CCDC122: variants seen among roughly 807,000 people sequenced by gnomAD.
CCDC122 encodes coiled-coil domain-containing protein 122.
A neutral mutation model predicts 37.0 loss-of-function variants in CCDC122; 38 were observed. The observed-to-expected ratio is 1.03, with a 90% CI of 0.79 to 1.35. The LOEUF (loss-of-function observed/expected upper bound fraction) is 1.35. Ranked by LOEUF, CCDC122 falls within the 40% of genes most tolerant of loss-of-function variation. The pLI is 0.00. For synonymous variants in CCDC122, 83 were observed against 95.6 expected (o/e 0.87, Z 0.77); for missense variants, 305 against 310.0 (o/e 0.98, Z 0.12).
chr13:43,858,772 AAG>A lies in CCDC122; in HGVS notation c.672+7_672+8del. On this transcript the variant is annotated splice_region_variant and intron_variant, in intron 6 of 6. Coordinates refer to ENST00000444614, the MANE Select transcript of CCDC122 (RefSeq NM_144974.5). ...ATAAAACATTGAAATCTAGATAATT[AAG>A]ACTTACCTCTATTTCTTTTCTTAAT... 7.2e-7 allele frequency: 1 copy of A among 1,392,918 alleles called. No homozygotes were observed. The highest frequency in any genetic ancestry group is 1.5e-5 in the African/African-American group (1 of 68,040). The allele number at this position is 1,392,918 out of a possible 1,614,324, so 86.3% of individuals were successfully genotyped here. A position where few individuals can be genotyped will look rare whatever the true frequency, so the allele number is the denominator to read the frequency against.
Position 43,865,018 on chromosome 13 carries a change from G to C in CCDC122, c.156+3676C>G, listed in dbSNP as rs541472207. 3.9e-5 allele frequency among the ~76,000 whole-genome samples: 6 copies of C among 152,226 alleles called. No homozygotes were observed. In the East Asian group the frequency reaches 1.2e-3, roughly 29 times the overall value. On this transcript the variant is annotated intron_variant, in intron 4 of 6. Transcript: ENST00000444614. ...GCTTCTGGGTTGGTATAAACATATT[G>C]AGGTGCTGGAAGAGTGGAGCGCCCA...
intron 6 of CCDC122, chr13:43,858,209 C>T (rs1953987708): frequency 6.6e-6 from 1 of 152,084 alleles, no homozygotes; most frequent in African/African-American, 2.4e-5. Flanking sequence ...ATTATTTGCC[C>T]TTAATAGCAT....
intron 3 of CCDC122, among the ~76,000 whole-genome samples, chr13:43,830,399 G>C (rs1953078664): frequency 6.6e-6 from 1 of 152,158 alleles, no homozygotes; most frequent in African/African-American, 2.4e-5. Flanking sequence ...AGCAGATTCT[G>C]AGATGAAGAT....
intron 6 of CCDC122, among the ~76,000 whole-genome samples, chr13:43,840,078 C>T (rs1477571609): frequency 6.6e-6 from 1 of 152,142 alleles, no homozygotes; most frequent in Non-Finnish European, 1.5e-5. Context: ...TGGGATTGTC[C>T]AACACTCAGC....
intron 4 of CCDC122, among the ~76,000 whole-genome samples, chr13:43,865,529 TAAC>T (rs1477944253): frequency 1.3e-5 from 2 of 152,118 alleles, no homozygotes; most frequent in Non-Finnish European, 2.9e-5. Flanking sequence ...AATAAGAGAA[TAAC>T]AATAACAACA....
At chr13:43,878,182 T>C (rs1364522847) in intron 1 of CCDC122, 1 of 152,194 alleles carries the variant, frequency 6.6e-6, no homozygotes, top group East Asian at 1.9e-4. Flanking sequence ...TTTAAAACCT[T>C]TGTAACTAAA....
intron 2 of CCDC122, among the ~76,000 whole-genome samples, chr13:43,870,758 A>G (rs1954421400): frequency 6.6e-6 from 1 of 152,144 alleles, no homozygotes; most frequent in Non-Finnish European, 1.5e-5. Flanking sequence ...AATTTACCCA[A>G]AGAGAGCCAT....
At chr13:43,859,025 G>C in intron 5 of CCDC122, 128 bp from the exon 6 acceptor site, 1 of 682,620 alleles carries the variant, frequency 1.5e-6, no homozygotes, top group Non-Finnish European at 2.2e-6. Context: ...AATAGCATTA[G>C]AATATTACTT....
At chr13:43,871,853 G>T (rs1156388732) in intron 2 of CCDC122, among the ~76,000 whole-genome samples, 1 of 151,826 alleles carries the variant, frequency 6.6e-6, no homozygotes, top group Admixed American at 6.6e-5. Flanking sequence ...TGAAATTCAG[G>T]CCATAGACTA....
downstream of CCDC122, among the ~76,000 whole-genome samples, chr13:43,821,368 C>T (rs532726572): frequency 6.6e-6 from 1 of 152,174 alleles, no homozygotes; most frequent in Non-Finnish European, 1.5e-5. Context: ...GGATTACAGG[C>T]GTCTGCCACA....
chr13:43,856,898 T>C (rs1339161924), intron 6 of CCDC122, among the ~76,000 whole-genome samples: 2 of 152,018 alleles, frequency 1.3e-5, no homozygotes, highest in Non-Finnish European at 2.9e-5. Flanking sequence ...AAGCCATCCA[T>C]TTATAATTTG....
chr13:43,844,608 ATCTG>A (rs1953457454), intron 6 of CCDC122, among the ~76,000 whole-genome samples: 1 of 151,998 alleles, frequency 6.6e-6, no homozygotes, highest in Admixed American at 6.6e-5. Flanking sequence ...ATGACTATAG[ATCTG>A]TCTCTTTTTT....
In CCDC122 at chr13:43,868,682, T is replaced by A. The variant is rs758187366; in HGVS notation, c.156+12A>T. 1.1e-5 allele frequency: 16 copies of A among 1,407,148 alleles called. No individual in the cohort carries two copies. The highest frequency in any genetic ancestry group is 2.6e-5 in the South Asian group (2 of 76,388). 87.2% of individuals were successfully genotyped at this position (1,407,148 alleles called of 1,614,324 possible). A position where few individuals can be genotyped will look rare whatever the true frequency, so the allele number is the denominator to read the frequency against. ...AAGTAAAGACATTTAAAAGACTATA[T>A]AAAGAAGTTACCTTCAAATTGAACA... On this transcript the variant is annotated intron_variant, in intron 4 of 6. Coordinates refer to ENST00000444614, the MANE Select transcript of CCDC122 (RefSeq NM_144974.5).
At chr13:43,872,004 A>T (rs973810606) in intron 2 of CCDC122, among the ~76,000 whole-genome samples, 2 of 152,098 alleles carry the variant, frequency 1.3e-5, no homozygotes, top group Non-Finnish European at 2.9e-5. Context: ...CCACAAAAAT[A>T]GTATATCTAA....
At chr13:43,869,147 A>C (rs1459230936) in intron 3 of CCDC122, among the ~76,000 whole-genome samples, 184 bp downstream of exon 3, 1 of 151,926 alleles carries the variant, frequency 6.6e-6, no homozygotes, top group Non-Finnish European at 1.5e-5. Context: ...ATGCATTTTC[A>C]TTGTAGGTCT....
chr13:43,870,859 A>AT (rs1019009706), intron 2 of CCDC122, among the ~76,000 whole-genome samples: 3 of 152,050 alleles, frequency 2.0e-5, no homozygotes, highest in Non-Finnish European at 2.9e-5. Context: ...CAAGATTATG[A>AT]TTTTTTATGG....
intron 2 of CCDC122, among the ~76,000 whole-genome samples, chr13:43,870,403 C>A (rs1363698456): frequency 6.6e-6 from 1 of 152,118 alleles, no homozygotes; most frequent in Non-Finnish European, 1.5e-5. Flanking sequence ...GAATCCAAAT[C>A]TGATTTTCTC....
intron 2 of CCDC122, among the ~76,000 whole-genome samples, chr13:43,872,414 T>C (rs958751592): frequency 2.0e-4 from 31 of 152,112 alleles, no homozygotes; most frequent in African/African-American, 7.5e-4. Context: ...TTCAAGACCA[T>C]TTATGTCAAG....
In CCDC122 at chr13:43,868,807, C is replaced by A. The variant is rs758052892; in HGVS notation, c.47-4G>T. ...AATGAACTTGTGTCTTGGTTATCTA[C>A]AATTAGACAAAAGAATAAAGTATAT... On this transcript the variant is annotated splice_region_variant and splice_polypyrimidine_tract_variant and intron_variant, in intron 3 of 6. Transcript: ENST00000444614. 19 of 1,396,698 alleles carry A rather than the reference C, an allele frequency of 1.4e-5. No homozygotes were observed. Among genetic ancestry groups the A allele is most frequent in the Non-Finnish European group, 1.8e-5 (19 of 1,048,144 alleles). 86.5% of individuals were successfully genotyped at this position (1,396,698 alleles called of 1,614,324 possible). A position where few individuals can be genotyped will look rare whatever the true frequency, so the allele number is the denominator to read the frequency against.
Sources: gnomAD v4.1 joint callset for allele counts (sites outside exome capture counted in the v4.1 genomes callset) on GRCh38, gnomAD v4.1.1 for gene constraint, MANE v1.5 for transcripts, NCBI Gene and HGNC (gene_info 2026-07-23, HGNC 2026-07-21) for gene names.